Variants in CCSER1 observed in about 807,000 individuals in gnomAD.
CCSER1 encodes serine-rich coiled-coil domain-containing protein 1.
A neutral mutation model predicts 82.0 loss-of-function variants in CCSER1; 41 were observed. That is an observed-to-expected ratio of 0.50 (90% CI 0.39 to 0.65). The LOEUF is 0.65. CCSER1 is among the 30% of genes least tolerant of loss of function. The probability of loss-of-function intolerance (pLI) is 0.00; values close to 1 mark genes in which losing one functional copy is unlikely to be tolerated. For synonymous variants in CCSER1, 414 were observed against 383.9 expected, an observed-to-expected ratio of 1.08 and a Z score of -0.92; for missense variants, 1,119 against 1,064.2, an observed-to-expected ratio of 1.05 and a Z score of -0.72.
At chr4:91,326,745 G>T (rs1030331452) in intron 10 of CCSER1, among the ~76,000 whole-genome samples, 1 of 152,078 alleles carries the variant, frequency 6.6e-6, no homozygotes, top group East Asian at 1.9e-4. Context: ...AAACAAGCTA[G>T]TTACTTCCAA....
rs190047521 is a variant in CCSER1 at position 90,303,098 on chromosome 4, T to C, written c.-41-5146T>C. On this transcript the variant is annotated intron_variant, in intron 1 of 10. Transcript: ENST00000509176. Reference sequence around the variant, plus strand: ...TATTTACCTCTAGTAGATTTATATCTACTCCAGGTTATTCAATAATGTGCA... The same window carrying C: ...TATTTACCTCTAGTAGATTTATATCCACTCCAGGTTATTCAATAATGTGCA... Among the ~76,000 whole-genome samples, 450 of 152,330 alleles carry C rather than the reference T, an allele frequency of 3.0e-3. 2 individuals are homozygous for C. The highest frequency in any genetic ancestry group is 0.01 in the African/African-American group (436 of 41,586).
At chr4:91,238,296 A>G (rs2149126942) in intron 10 of CCSER1, among the ~76,000 whole-genome samples, 1 of 152,312 alleles carries the variant, frequency 6.6e-6, no homozygotes, top group South Asian at 2.1e-4. Context: ...TGAGAGTGGC[A>G]TGTCAGAGCT....
intron 10 of CCSER1, among the ~76,000 whole-genome samples, chr4:91,228,103 C>T (rs1419766310): frequency 1.3e-5 from 2 of 152,000 alleles, no homozygotes. Context: ...TCTGCTTCTT[C>T]TCCCATTATT....
intron 1 of CCSER1, among the ~76,000 whole-genome samples, chr4:90,241,760 G>T (rs960194248): frequency 5.3e-5 from 8 of 152,116 alleles, no homozygotes; most frequent in African/African-American, 1.7e-4. Flanking sequence ...TAAGAGTGTT[G>T]CAGGAGCATT....
At chr4:91,082,631 G>A (rs550298800) in intron 9 of CCSER1, among the ~76,000 whole-genome samples, 1 of 152,166 alleles carries the variant, frequency 6.6e-6, no homozygotes, top group African/African-American at 2.4e-5. Flanking sequence ...GCAACCTACA[G>A]AATGGGAGAA....
At chr4:90,257,353 A>G (rs1004038274) in intron 1 of CCSER1, among the ~76,000 whole-genome samples, 6 of 152,170 alleles carry the variant, frequency 3.9e-5, no homozygotes, top group Non-Finnish European at 7.4e-5. Flanking sequence ...TTTATAAAAC[A>G]TGACACATAA....
chr4:90,205,342 C>T (rs997143728), intron 1 of CCSER1, among the ~76,000 whole-genome samples: 1 of 152,086 alleles, frequency 6.6e-6, no homozygotes, highest in East Asian at 1.9e-4. Flanking sequence ...TCATAAAGAG[C>T]TCTTATTATT....
intron 5 of CCSER1, among the ~76,000 whole-genome samples, chr4:90,482,125 T>C (rs761315606): frequency 1.1e-4 from 16 of 152,242 alleles, no homozygotes; most frequent in Non-Finnish European, 2.4e-4. Flanking sequence ...GAGCAATTTA[T>C]CCATTTCTTC....
At chr4:91,306,031 G>A (rs1230629386) in intron 10 of CCSER1, among the ~76,000 whole-genome samples, 4 of 148,140 alleles carry the variant, frequency 2.7e-5, no homozygotes, top group African/African-American at 7.5e-5. Flanking sequence ...TGTTTGGGTG[G>A]GGACACAACC....
chr4:90,388,641 A>T (rs1057243509), intron 3 of CCSER1, among the ~76,000 whole-genome samples: 4 of 128,844 alleles, frequency 3.1e-5, no homozygotes, highest in Admixed American at 2.4e-4. Context: ...TATTATGATA[A>T]TTTTTTTTTT....
intron 8 of CCSER1, among the ~76,000 whole-genome samples, chr4:90,840,446 A>C (rs1418554932): frequency 1.3e-5 from 2 of 152,198 alleles, no homozygotes; most frequent in Non-Finnish European, 2.9e-5. Context: ...ACTTTCCTAC[A>C]TTATGATTAG....
intron 5 of CCSER1, among the ~76,000 whole-genome samples, chr4:90,606,715 A>T (rs1257480293): frequency 6.6e-6 from 1 of 152,200 alleles, no homozygotes; most frequent in African/African-American, 2.4e-5. Context: ...TTATATTTTG[A>T]CAACTTCCTA....
At chr4:90,372,378 T>C in intron 3 of CCSER1, among the ~76,000 whole-genome samples, 1 of 152,062 alleles carries the variant, frequency 6.6e-6, no homozygotes, top group East Asian at 1.9e-4. Context: ...GTGAGAAGGA[T>C]AATGTAAGTG....
chr4:90,260,666 T>C (rs1426789635), intron 1 of CCSER1, among the ~76,000 whole-genome samples: 2 of 152,190 alleles, frequency 1.3e-5, no homozygotes, highest in African/African-American at 4.8e-5. Context: ...AAGATGAGTC[T>C]GTTGAAGACA....
intron 10 of CCSER1, among the ~76,000 whole-genome samples, chr4:91,128,888 G>C (rs1246720850): frequency 6.6e-6 from 1 of 152,042 alleles, no homozygotes; most frequent in Non-Finnish European, 1.5e-5. Context: ...TGGGAAATCT[G>C]AATAGTGTAA....
At chr4:90,826,388 G>C (rs1760452001) in intron 8 of CCSER1, among the ~76,000 whole-genome samples, 1 of 152,138 alleles carries the variant, frequency 6.6e-6, no homozygotes, top group Non-Finnish European at 1.5e-5. Flanking sequence ...GTCAGTCTGA[G>C]CCGGGGACTT....
At chr4:91,409,376 A>G (rs1446077481) in intron 10 of CCSER1, among the ~76,000 whole-genome samples, 1 of 152,176 alleles carries the variant, frequency 6.6e-6, no homozygotes, top group Non-Finnish European at 1.5e-5. Context: ...ATTGTAGGTT[A>G]TTAGTGAGAT....
intron 10 of CCSER1, among the ~76,000 whole-genome samples, chr4:91,355,325 C>A (rs2149304945): frequency 6.6e-6 from 1 of 152,096 alleles, no homozygotes; most frequent in African/African-American, 2.4e-5. Context: ...GCCCCTCTTT[C>A]TTCTGTTCTA....
chr4:90,933,138 T>A (rs1207550562), intron 9 of CCSER1, among the ~76,000 whole-genome samples: 2 of 54,470 alleles, frequency 3.7e-5, no homozygotes, highest in African/African-American at 1.5e-4. Flanking sequence ...TAGAAGTGTG[T>A]GTGTGTGTGT....
Sources: gnomAD v4.1 joint callset for allele counts (sites outside exome capture counted in the v4.1 genomes callset) on GRCh38, gnomAD v4.1.1 for gene constraint, MANE v1.5 for transcripts, NCBI Gene and HGNC (gene_info 2026-07-23, HGNC 2026-07-21) for gene names.